Variants in DDHD1 observed in about 807,000 individuals in gnomAD.
The protein encoded by DDHD1 is DDHD domain containing 1, also known as phospholipase DDHD1.
In DDHD1, 49 loss-of-function variants were observed where a neutral mutation model predicts 96.4. The observed-to-expected ratio is 0.51, with a 90% confidence interval of 0.40 to 0.64. DDHD1 has a LOEUF of 0.64. Among genes scored for constraint, DDHD1 ranks in the 30% least tolerant of loss-of-function variants. The pLI is 0.00. For missense variants in DDHD1, 1,106 were observed against 1,161.2 expected (o/e 0.95, Z 0.69); for synonymous variants, 442 against 446.5 (o/e 0.99, Z 0.13).
chr14:53,124,029 C>A (rs968267547), intron 1 of DDHD1, among the ~76,000 whole-genome samples: 1 of 151,526 alleles, frequency 6.6e-6, no homozygotes, highest in Non-Finnish European at 1.5e-5. Context: ...GTCAGGAGTT[C>A]GAGACCAGCC....
At chr14:53,133,161 ACTC>A (rs1889996070) in intron 1 of DDHD1, among the ~76,000 whole-genome samples, 1 of 151,264 alleles carries the variant, frequency 6.6e-6, no homozygotes, top group South Asian at 2.1e-4. Context: ...CTATTCTACT[ACTC>A]CTCAGGGATT....
intron 12 of DDHD1, among the ~76,000 whole-genome samples, chr14:53,051,055 T>TA (rs530091564): frequency 7.2e-6 from 1 of 138,304 alleles, no homozygotes; most frequent in African/African-American, 2.6e-5. Context: ...AATGTAAGAG[T>TA]TTTTTTTTTT....
At chr14:53,095,097 T>A (rs957525325) in intron 2 of DDHD1, among the ~76,000 whole-genome samples, 5 of 152,182 alleles carry the variant, frequency 3.3e-5, no homozygotes, top group Non-Finnish European at 5.9e-5. Context: ...AACATATCCA[T>A]CAATTCATAA....
intron 1 of DDHD1, among the ~76,000 whole-genome samples, chr14:53,131,220 T>C (rs1203304987): frequency 6.6e-6 from 1 of 152,192 alleles, no homozygotes; most frequent in Non-Finnish European, 1.5e-5. Flanking sequence ...ACCTCACTGC[T>C]GCCCTTTTCC....
At chr14:53,088,327 A>T (rs551723781) in intron 4 of DDHD1, among the ~76,000 whole-genome samples, 1 of 152,198 alleles carries the variant, frequency 6.6e-6, no homozygotes, top group African/African-American at 2.4e-5. Flanking sequence ...TATGAGGCCA[A>T]CATCATCCTG....
At chr14:53,141,587 G>C (rs1474377421) in intron 1 of DDHD1, among the ~76,000 whole-genome samples, 1 of 152,184 alleles carries the variant, frequency 6.6e-6, no homozygotes, top group African/African-American at 2.4e-5. Flanking sequence ...AAAAGTGTTA[G>C]AAATTAACAA....
At chr14:53,086,709 A>G (rs1317394240) in intron 4 of DDHD1, among the ~76,000 whole-genome samples, 1 of 152,212 alleles carries the variant, frequency 6.6e-6, no homozygotes, top group Non-Finnish European at 1.5e-5. Context: ...GCCAAATTGT[A>G]AAGACCATTG....
At chr14:53,111,339 C>A (rs1888088468) in intron 1 of DDHD1, among the ~76,000 whole-genome samples, 2 of 152,118 alleles carry the variant, frequency 1.3e-5, no homozygotes, top group African/African-American at 2.4e-5. Context: ...TTTAGACCAT[C>A]AAGCATTTAT....
At chr14:53,147,958 C>T (rs958574490) in intron 1 of DDHD1, among the ~76,000 whole-genome samples, 12 of 152,134 alleles carry the variant, frequency 7.9e-5, no homozygotes, top group African/African-American at 2.4e-4. Context: ...ACATCTACAC[C>T]AAGTTTGTAA....
At chr14:53,077,207 T>C (rs1397090796) in intron 4 of DDHD1, among the ~76,000 whole-genome samples, 2 of 152,224 alleles carry the variant, frequency 1.3e-5, no homozygotes, top group Non-Finnish European at 2.9e-5. Flanking sequence ...TACTACTCCA[T>C]ATGTACATAG....
intron 1 of DDHD1, among the ~76,000 whole-genome samples, chr14:53,122,967 G>C (rs1424428367): frequency 6.6e-6 from 1 of 151,784 alleles, no homozygotes; most frequent in Non-Finnish European, 1.5e-5. Flanking sequence ...AACCCAAATA[G>C]TTAACAAAAC....
chr14:53,125,109 T>C (rs140201498), intron 1 of DDHD1, among the ~76,000 whole-genome samples: 51 of 152,332 alleles, frequency 3.3e-4, no homozygotes, highest in African/African-American at 1.2e-3. Flanking sequence ...ACCTCTTTTA[T>C]AGGTCTTATC....
At chr14:53,141,290 TC>T (rs1392764301) in intron 1 of DDHD1, among the ~76,000 whole-genome samples, 51 of 152,298 alleles carry the variant, frequency 3.3e-4, no homozygotes, top group African/African-American at 1.2e-3. Flanking sequence ...TTGAAATGCA[TC>T]CTTGGATTGA....
At chr14:53,094,532 T>C (rs920272102) in intron 2 of DDHD1, among the ~76,000 whole-genome samples, 2 of 151,742 alleles carry the variant, frequency 1.3e-5, no homozygotes, top group Admixed American at 6.6e-5. Flanking sequence ...TGAGACCCCG[T>C]CTCTTAAAAA....
rs372614631 is a variant in DDHD1, at chr14:53,044,137, A to T, written c.*2631T>A. On this transcript the variant is annotated 3_prime_UTR_variant, in exon 13 of 13. Transcript: ENST00000673822. ...GTATATACAAATACATCCAATGTTA[A>T]CATGCACAGACATAGAAACAAGGAT... The T allele has an allele frequency of 1.3e-5, 2 of 152,344 alleles. No individual in the cohort carries two copies. Among genetic ancestry groups the T allele is most frequent in the East Asian group, 3.9e-4 (2 of 5,184 alleles). The allele number at this position is 152,344 out of a possible 1,614,324, so 9.4% of individuals were successfully genotyped here.
chr14:53,143,094 T>C (rs1368905680), intron 1 of DDHD1, among the ~76,000 whole-genome samples: 2 of 152,260 alleles, frequency 1.3e-5, no homozygotes, highest in East Asian at 1.9e-4. Flanking sequence ...AAGAGGTAGA[T>C]AGTATTATCC....
rs564113776 is a variant in DDHD1 at position 53,038,968 on chromosome 14, C to T, written c.*7800G>A. 1 of 152,264 alleles carries T rather than the reference C, an allele frequency of 6.6e-6. No individual in the cohort carries two copies. Among genetic ancestry groups the T allele is most frequent in the Admixed American group, 6.5e-5 (1 of 15,278 alleles). 9.4% of individuals were successfully genotyped at this position (152,264 alleles called of 1,614,324 possible). A position where few individuals can be genotyped will look rare whatever the true frequency, so the allele number is the denominator to read the frequency against. The stretch of plus-strand genomic sequence containing the variant: ...CACGTTGTTAATGGGGGCTCACAAG[C>T]AGTAATTAACTTCAACCAGGGGATC... On this transcript the variant is annotated 3_prime_UTR_variant, in exon 13 of 13. Coordinates refer to ENST00000673822, the MANE Select transcript of DDHD1 (RefSeq NM_001160148.2).
chr14:53,125,955 C>T (rs191714862), intron 1 of DDHD1, among the ~76,000 whole-genome samples: 128 of 152,290 alleles, frequency 8.4e-4, no homozygotes, highest in Middle Eastern at 6.8e-3. Context: ...CCTGCCTTGG[C>T]CTCCCAAAGT....
At chr14:53,086,972 C>CAAAAAAAAAAAAAA (rs60569444) in intron 4 of DDHD1, among the ~76,000 whole-genome samples, 7 of 52,210 alleles carry the variant, frequency 1.3e-4, no homozygotes, top group South Asian at 9.9e-4. Flanking sequence ...AAATGAAAAG[C>CAAAAAAAAAAAAAA]AAAAAAAAAA....
Sources: gnomAD v4.1 joint callset for allele counts (sites outside exome capture counted in the v4.1 genomes callset) on GRCh38, gnomAD v4.1.1 for gene constraint, MANE v1.5 for transcripts, NCBI Gene and HGNC (gene_info 2026-07-23, HGNC 2026-07-21) for gene names.